The following HSD17B14 variants were observed in gnomAD, a reference collection of about 807,000 sequenced individuals.
HSD17B14 encodes the protein hydroxysteroid 17-beta dehydrogenase 14, also known as L-fucose dehydrogenase.
In HSD17B14, 32 loss-of-function variants were observed where a neutral mutation model predicts 32.2. That is an observed-to-expected ratio of 0.99 (90% CI 0.75 to 1.33). The LOEUF is 1.33. Among genes scored for constraint, HSD17B14 ranks in the 40% most tolerant of loss-of-function variants. The probability of loss-of-function intolerance (pLI) is 0.00; values close to 1 mark genes in which losing one functional copy is unlikely to be tolerated. For missense variants in HSD17B14, 370 were observed against 366.5 expected, an observed-to-expected ratio of 1.01 and a Z score of -0.08; for synonymous variants, 140 against 155.4, an observed-to-expected ratio of 0.90 and a Z score of 0.74.
Position 48,833,862 on chromosome 19 carries a change from C to T in HSD17B14, c.210+414G>A, listed in dbSNP as rs570349345. ...AAAATTAGCCGGGCATGGTGGCGCA[C>T]ACCTGTAATCCCAGCTACTCGGGAG... On this transcript the variant is annotated intron_variant, in intron 3 of 8. Transcript: ENST00000263278. Among the ~76,000 whole-genome samples, 27 of 149,130 alleles carry T rather than the reference C, an allele frequency of 1.8e-4. No individual in the cohort carries two copies. The East Asian group carries it at 4.3e-3, about 24-fold the overall frequency.
rs76237074 is a variant in HSD17B14, at chr19:48,831,033, G to A, written c.369+635C>T. On this transcript the variant is annotated intron_variant, in intron 5 of 8. Coordinates refer to ENST00000263278, the MANE Select transcript of HSD17B14 (RefSeq NM_016246.3). ...ACTTTTTGTAGAGATGGGGGGTTTC[G>A]CTGTATTGCCCCAGCTGTCTTGAAC... Among the ~76,000 whole-genome samples, 1,318 of 151,784 alleles carry A rather than the reference G, an allele frequency of 8.7e-3. 18 individuals are homozygous for A. The highest frequency in any genetic ancestry group is 0.03 in the African/African-American group (1,251 of 41,388).
intron 5 of HSD17B14, among the ~76,000 whole-genome samples, chr19:48,820,533 AT>A (rs531121579): frequency 2.4e-3 from 339 of 140,814 alleles, no homozygotes; most frequent in Admixed American, 5.7e-3. Flanking sequence ...GAATGGATAG[AT>A]TTTTTTTTTT....
Position 48,813,019 on chromosome 19 carries a change from T to A in HSD17B14, c.*156A>T. The A allele has an allele frequency of 1.8e-6, 1 of 545,434 alleles. No individual in the cohort carries two copies. Among genetic ancestry groups the A allele is most frequent in the Non-Finnish European group, 3.3e-6 (1 of 301,696 alleles). 33.8% of individuals were successfully genotyped at this position (545,434 alleles called of 1,614,324 possible). On this transcript the variant is annotated 3_prime_UTR_variant, in exon 9 of 9. Transcript: ENST00000263278. ...ATAAATATAACGATATCCTCCTCCT[T>A]CTGGCTGCAAATCGTTTTTATGGGA... is the stretch of plus-strand genomic sequence containing the variant.
chr19:48,818,672 C>T (rs754263211), intron 5 of HSD17B14, among the ~76,000 whole-genome samples: 6 of 152,144 alleles, frequency 3.9e-5, no homozygotes, highest in Non-Finnish European at 7.4e-5. Flanking sequence ...CTCCCCACAC[C>T]CCTCAAGGTT....
At chr19:48,827,688 C>T (rs1171612700) in intron 5 of HSD17B14, among the ~76,000 whole-genome samples, 3 of 151,756 alleles carry the variant, frequency 2.0e-5, no homozygotes, top group Admixed American at 1.3e-4. Context: ...CAGGTGCTCA[C>T]CACCATGCCC....
intron 5 of HSD17B14, among the ~76,000 whole-genome samples, chr19:48,823,200 G>A (rs79162942): frequency 0.011 from 1,625 of 147,260 alleles, 26 homozygotes; most frequent in African/African-American, 0.037. Context: ...TTTTTGTTAT[G>A]TAAAAAAGGC....
intron 5 of HSD17B14, among the ~76,000 whole-genome samples, chr19:48,826,099 CGT>C (rs2122775452): frequency 6.6e-6 from 1 of 152,008 alleles, no homozygotes; most frequent in African/African-American, 2.4e-5. Context: ...GGATTACAGG[CGT>C]GAGCCACCGT....
chr19:48,829,143 T>C (rs1218447234), intron 5 of HSD17B14, among the ~76,000 whole-genome samples: 1 of 152,078 alleles, frequency 6.6e-6, no homozygotes, highest in Non-Finnish European at 1.5e-5. Context: ...GGGCTCTCCT[T>C]TCTCAGATAA....
At chr19:48,823,153 G>C (rs1036517384) in intron 5 of HSD17B14, among the ~76,000 whole-genome samples, 1 of 152,140 alleles carries the variant, frequency 6.6e-6, no homozygotes, top group African/African-American at 2.4e-5. Flanking sequence ...ATGGTATCAA[G>C]ACATTTCTGT....
At chr19:48,829,876 CA>C (rs2035308787) in intron 5 of HSD17B14, among the ~76,000 whole-genome samples, 2 of 152,164 alleles carry the variant, frequency 1.3e-5, no homozygotes, top group Non-Finnish European at 2.9e-5. Flanking sequence ...CTCCCGACCT[CA>C]GGTGATCCGC....
At position 48,836,341 on chromosome 19, in the gene HSD17B14, C is replaced by A. The variant is rs1479982211; in HGVS notation, c.71G>T (p.Gly24Val). The A allele has an allele frequency of 6.2e-7, 1 of 1,613,972 alleles. No homozygotes were observed. Among genetic ancestry groups the A allele is most frequent in the Admixed American group, 1.7e-5 (1 of 59,988 alleles). ...CGGCTCACCGAAGGCGCGCACGATC[C>A]CAGCTCCGATGCCGCGCCCGCCCCC... ...VTGGGRGIGA[G>V]IVRAFVNSGA... The change falls in exon 1 of 9, where the codon GGG becomes GTG. Residue 24 changes from glycine (G) to valine (V), a missense_variant. Transcript: ENST00000263278.
intron 3 of HSD17B14, among the ~76,000 whole-genome samples, chr19:48,833,318 A>G (rs1054113365): frequency 6.6e-6 from 1 of 151,984 alleles, no homozygotes; most frequent in Non-Finnish European, 1.5e-5. Context: ...CGTAGGGGAC[A>G]GTTGCCCAAG....
At chr19:48,824,966 G>C (rs1329188695) in intron 5 of HSD17B14, among the ~76,000 whole-genome samples, 1 of 151,624 alleles carries the variant, frequency 6.6e-6, no homozygotes, top group Non-Finnish European at 1.5e-5. Context: ...ATCTGGGCTG[G>C]GTGCGGTGGC....
chr19:48,829,959 AAATT>A (rs2035310009), intron 5 of HSD17B14, among the ~76,000 whole-genome samples: 1 of 151,594 alleles, frequency 6.6e-6, no homozygotes, highest in Non-Finnish European at 1.5e-5. Flanking sequence ...CTCTTTTTAA[AAATT>A]AATTAATGAA....
At chr19:48,821,502 A>C (rs1245021262) in intron 5 of HSD17B14, among the ~76,000 whole-genome samples, 8 of 152,126 alleles carry the variant, frequency 5.3e-5, no homozygotes, top group Admixed American at 5.2e-4. Context: ...ATCAGAATCC[A>C]CCAGGAAGGC....
chr19:48,822,771 G>A (rs1308126995), intron 5 of HSD17B14, among the ~76,000 whole-genome samples: 1 of 151,622 alleles, frequency 6.6e-6, no homozygotes, highest in African/African-American at 2.4e-5. Flanking sequence ...AGTGTTGATG[G>A]TGATGATGGT....
Position 48,813,484 on chromosome 19 carries a change from G to A in HSD17B14, c.611C>T (p.Ala204Val). The change falls in exon 8 of 9, where the codon GCC becomes GTC. Residue 204 changes from alanine to valine, a missense_variant. By Grantham distance (64) the Ala-to-Val change is moderately conservative (BLOSUM62 0). Coordinates refer to ENST00000263278, the MANE Select transcript of HSD17B14 (RefSeq NM_016246.3). ...ELAALMPDPR[A>V]TIREGMLAQP... ...GGCCAGCATGCCCTCTCGGATTGTG[G>A]CCCTAGGGTCTGGCATTAAGGCTGC... 6.2e-7 allele frequency: 1 copy of A among 1,613,758 alleles called. No individual in the cohort carries two copies. The highest frequency in any genetic ancestry group is 8.5e-7 in the Non-Finnish European group (1 of 1,179,862).
At chr19:48,834,668 G>C (rs2035437632) in intron 2 of HSD17B14, among the ~76,000 whole-genome samples, 1 of 77,226 alleles carries the variant, frequency 1.3e-5, no homozygotes, top group Non-Finnish European at 2.2e-5. Context: ...GAGGAAGTAG[G>C]GCCTGGGGGC....
At chr19:48,830,045 T>A (rs1412870197) in intron 5 of HSD17B14, among the ~76,000 whole-genome samples, 1 of 152,136 alleles carries the variant, frequency 6.6e-6, no homozygotes, top group Non-Finnish European at 1.5e-5. Context: ...CTCAGCTCAC[T>A]GCAACCTCCG....
Sources: gnomAD v4.1 joint callset for allele counts (sites outside exome capture counted in the v4.1 genomes callset) on GRCh38, gnomAD v4.1.1 for gene constraint, MANE v1.5 for transcripts, NCBI Gene and HGNC (gene_info 2026-07-23, HGNC 2026-07-21) for gene names.